Variants in ACCSL observed in about 807,000 individuals in gnomAD.
ACCSL encodes the protein probable inactive 1-aminocyclopropane-1-carboxylate synthase-like protein 2.
A neutral mutation model predicts 61.7 loss-of-function variants in ACCSL; 55 were observed. The ratio of observed to expected loss-of-function variants is 0.89; its 90% CI spans 0.72 to 1.12. ACCSL has a LOEUF of 1.12. Among genes scored for constraint, ACCSL ranks in the 50% most tolerant of loss-of-function variants. The pLI, the probability that ACCSL is intolerant of heterozygous loss-of-function variation, is 0.00. For synonymous variants in ACCSL, 258 were observed against 264.3 expected (o/e 0.98, Z 0.23); for missense variants, 632 against 698.0 (o/e 0.91, Z 1.07).
At chr11:43,995,643 A>G in the ACCSL span, among the ~76,000 whole-genome samples, 4 of 152,108 alleles carry the variant, frequency 2.6e-5, no homozygotes, top group Non-Finnish European at 4.4e-5. Flanking sequence ...GTACATGAGG[A>G]GGTAGGAAGG....
chr11:44,059,068 CT>C (rs1952690405), intron 13 of ACCSL, among the ~76,000 whole-genome samples: 1 of 152,082 alleles, frequency 6.6e-6, no homozygotes, highest in Non-Finnish European at 1.5e-5. Context: ...TGGTAAAACC[CT>C]GTCTCTACTA....
chr11:43,987,936 C>G, the ACCSL span, among the ~76,000 whole-genome samples: 10 of 152,054 alleles, frequency 6.6e-5, no homozygotes, highest in East Asian at 9.7e-4. Flanking sequence ...CCCACCCCCC[C>G]GCAGGGAATT....
chr11:43,971,324 T>C, the ACCSL span: 1 of 151,560 alleles, frequency 6.6e-6, no homozygotes, highest in African/African-American at 2.4e-5. Context: ...CCAGTAACAT[T>C]AGTAGCTAAT....
chr11:44,024,639 A>T, the ACCSL span, among the ~76,000 whole-genome samples: 3 of 152,242 alleles, frequency 2.0e-5, no homozygotes, highest in South Asian at 6.2e-4. Context: ...TTCCATGTGC[A>T]CTTGAGAAGA....
At chr11:44,029,969 T>TTTTTATTTTATTTTATTTTA in the ACCSL span, among the ~76,000 whole-genome samples, 137 of 94,514 alleles carry the variant, frequency 1.4e-3, no homozygotes, top group South Asian at 2.0e-3. Context: ...CTGGGCCTTG[T>TTTTTATTTTATTTTATTTTA]TTTTATTTTA....
At chr11:43,985,986 C>CAAATAAAT in the ACCSL span, among the ~76,000 whole-genome samples, 1 of 151,336 alleles carries the variant, frequency 6.6e-6, no homozygotes, top group Non-Finnish European at 1.5e-5. Flanking sequence ...AATAAACAAA[C>CAAATAAAT]AAACAAATAA....
intron 2 of ACCSL, 49 bp downstream of exon 2, chr11:44,050,170 C>A (rs760902868): frequency 1.6e-5 from 24 of 1,503,948 alleles, no homozygotes; most frequent in Admixed American, 1.3e-4. Context: ...AAGGCTTAGT[C>A]CCCCTAGCGT....
the ACCSL span, among the ~76,000 whole-genome samples, chr11:44,028,928 G>C: frequency 1.3e-5 from 2 of 152,204 alleles, no homozygotes; most frequent in African/African-American, 4.8e-5. Flanking sequence ...GTGTCCTTTA[G>C]AACAGGTGTG....
At chr11:44,041,450 TG>T in the ACCSL span, among the ~76,000 whole-genome samples, 1 of 152,228 alleles carries the variant, frequency 6.6e-6, no homozygotes. Flanking sequence ...TTTCCATTTT[TG>T]GTCCTTATAT....
chr11:43,926,420 C>T, the ACCSL span: 1 of 433,354 alleles, frequency 2.3e-6, no homozygotes, highest in South Asian at 1.7e-5. Context: ...GTATTGTTTT[C>T]TCGTTCTTGC....
the ACCSL span, among the ~76,000 whole-genome samples, chr11:43,984,775 GTCCCTT>G: frequency 2.6e-5 from 4 of 152,248 alleles, no homozygotes; most frequent in Non-Finnish European, 5.9e-5. Context: ...GTCAGGTCCT[GTCCCTT>G]TCCTGTCACA....
At chr11:43,927,651 G>A in the ACCSL span, among the ~76,000 whole-genome samples, 4 of 152,148 alleles carry the variant, frequency 2.6e-5, no homozygotes, top group African/African-American at 4.8e-5. Flanking sequence ...AAGTGGGGTC[G>A]CTGGCCCAGA....
chr11:44,041,177 C>T, the ACCSL span, among the ~76,000 whole-genome samples: 3 of 152,206 alleles, frequency 2.0e-5, no homozygotes, highest in Non-Finnish European at 4.4e-5. Context: ...TTACGTCATT[C>T]ATAATCATTC....
the ACCSL span, among the ~76,000 whole-genome samples, chr11:43,965,176 T>A: frequency 6.6e-6 from 1 of 152,302 alleles, no homozygotes; most frequent in Non-Finnish European, 1.5e-5. Flanking sequence ...GACATGATCC[T>A]ATATGTAGAA....
chr11:43,925,495 A>G, the ACCSL span: 5 of 455,338 alleles, frequency 1.1e-5, no homozygotes, highest in Non-Finnish European at 4.4e-6. Flanking sequence ...TCCTGAATCT[A>G]GTGCCAGCTG....
In ACCSL at chr11:44,054,712, C is replaced by T. The variant is rs529390650; in HGVS notation, c.1050-490C>T. Among the ~76,000 whole-genome samples the T allele has an allele frequency of 1.0e-3, 159 of 152,274 alleles. 4 individuals are homozygous for T. In the South Asian group the frequency reaches 0.032, roughly 31 times the overall value. On this transcript the variant is annotated intron_variant, in intron 8 of 13. Coordinates refer to ENST00000378832, the MANE Select transcript of ACCSL (RefSeq NM_001031854.2). ...CCTCATGATCCACCCACCTCGGCCT[C>T]CCAAAGTGCTGGGATTACAGGCCTG...
the ACCSL span, among the ~76,000 whole-genome samples, chr11:44,019,889 C>A: frequency 1.3e-4 from 20 of 152,212 alleles, no homozygotes; most frequent in African/African-American, 4.8e-4. Context: ...TTAACTCTTA[C>A]ATTTAGACCT....
chr11:43,933,511 G>A, the ACCSL span: 162 of 135,990 alleles, frequency 1.2e-3, 1 homozygote, highest in African/African-American at 4.9e-3. Context: ...GAAGTCAGAG[G>A]GGTGAAACTA....
At chr11:43,952,103 A>G in the ACCSL span, among the ~76,000 whole-genome samples, 2 of 148,926 alleles carry the variant, frequency 1.3e-5, no homozygotes, top group African/African-American at 5.0e-5. Context: ...TTGGGGATAT[A>G]TGTGCAGGTT....
Sources: allele counts gnomAD v4.1 joint callset (sites outside exome capture counted in the v4.1 genomes callset), GRCh38; gene constraint gnomAD v4.1.1; transcripts MANE v1.5; gene names NCBI Gene and HGNC (gene_info 2026-07-23, HGNC 2026-07-21).